MYO16: variants seen among roughly 807,000 people sequenced by gnomAD.
The protein encoded by MYO16 is myosin XVI, also known as unconventional myosin-XVI.
A neutral mutation model predicts 205.3 loss-of-function variants in MYO16; 94 were observed. That is an observed-to-expected ratio of 0.46 (90% CI 0.39 to 0.54). The LOEUF (loss-of-function observed/expected upper bound fraction) is 0.54. MYO16 is among the 20% of genes least tolerant of loss of function. The pLI is 0.00. For synonymous variants in MYO16, 988 were observed against 954.0 expected (o/e 1.04, Z -0.66); for missense variants, 2,315 against 2,387.5 (o/e 0.97, Z 0.63).
At chr13:108,928,535 C>T (rs1288993964) in intron 16 of MYO16, among the ~76,000 whole-genome samples, 1 of 152,058 alleles carries the variant, frequency 6.6e-6, no homozygotes, top group African/African-American at 2.4e-5. Context: ...TGGATGTCAA[C>T]GTATAAGCAA....
chr13:109,168,897 C>T (rs1486061125), intron 33 of MYO16, among the ~76,000 whole-genome samples: 3 of 151,812 alleles, frequency 2.0e-5, no homozygotes, highest in Admixed American at 6.6e-5. Flanking sequence ...GGTACAGTGT[C>T]GGTATGGTCA....
At chr13:108,657,917 A>G (rs117261058) in intron 1 of MYO16, among the ~76,000 whole-genome samples, 2,273 of 152,300 alleles carry the variant, frequency 0.015, 21 homozygotes, top group Non-Finnish European at 0.025. Flanking sequence ...ACACAATTTA[A>G]TGTTTTAAAA....
At chr13:108,497,078 C>A in the MYO16 span, among the ~76,000 whole-genome samples, 48,541 of 152,036 alleles carry the variant, frequency 0.32, 7,957 homozygotes, top group Non-Finnish European at 0.35. Context: ...TGCGGTCTAT[C>A]CATGCATCTC....
chr13:108,659,585 G>C lies in MYO16; in HGVS notation c.29-6301G>C, dbSNP rs1881407927. Among the ~76,000 whole-genome samples the C allele has an allele frequency of 2.0e-5, 3 of 152,108 alleles. No homozygotes were observed. In the South Asian group the frequency reaches 6.2e-4, roughly 32 times the overall value. ...AGATGAGCTTCATGACACTGCCTCA[G>C]GCCAGATAATTTTGTAAGGAAAAGC... On this transcript the variant is annotated intron_variant, in intron 1 of 34. Transcript: ENST00000457511.
At chr13:108,721,680 G>A (rs1884169064) in intron 3 of MYO16, among the ~76,000 whole-genome samples, 1 of 152,300 alleles carries the variant, frequency 6.6e-6, no homozygotes, top group African/African-American at 2.4e-5. Context: ...ATCAATGTAA[G>A]CGTTCAGTGA....
At chr13:109,157,075 T>C (rs943497692) in intron 32 of MYO16, among the ~76,000 whole-genome samples, 1 of 151,820 alleles carries the variant, frequency 6.6e-6, no homozygotes, top group African/African-American at 2.4e-5. Context: ...CCAGCTGTGG[T>C]CCCCATCAGG....
chr13:109,142,586 C>T (rs1877151473), intron 32 of MYO16, among the ~76,000 whole-genome samples: 1 of 152,184 alleles, frequency 6.6e-6, no homozygotes, highest in Admixed American at 6.5e-5. Flanking sequence ...CTGTCCGCAA[C>T]CAGTCAGACT....
At chr13:108,820,899 A>G (rs1359215238) in intron 8 of MYO16, among the ~76,000 whole-genome samples, 1 of 44,342 alleles carries the variant, frequency 2.3e-5, no homozygotes, top group East Asian at 1.7e-3. Context: ...ACTTAATGTT[A>G]CTTATTTTTT....
intron 11 of MYO16, among the ~76,000 whole-genome samples, chr13:108,857,975 A>AAATT (rs1237956190): frequency 1.3e-5 from 2 of 152,212 alleles, no homozygotes; most frequent in African/African-American, 4.8e-5. Context: ...AATACAGAAA[A>AAATT]GCTCAATCGA....
chr13:109,117,388 G>A (rs1297279523), intron 28 of MYO16, among the ~76,000 whole-genome samples: 1 of 146,886 alleles, frequency 6.8e-6, no homozygotes, highest in Non-Finnish European at 1.5e-5. Flanking sequence ...ATATATGCGT[G>A]TGTATATATG....
At chr13:108,662,730 C>A (rs1881559566) in intron 1 of MYO16, among the ~76,000 whole-genome samples, 1 of 152,180 alleles carries the variant, frequency 6.6e-6, no homozygotes, top group Non-Finnish European at 1.5e-5. Flanking sequence ...GGCTTTAGTT[C>A]TTTCCCTGCC....
chr13:108,871,210 G>A (rs1450907832), intron 12 of MYO16, among the ~76,000 whole-genome samples: 1 of 151,662 alleles, frequency 6.6e-6, no homozygotes, highest in East Asian at 1.9e-4. Context: ...AGGGTTTCCA[G>A]TTTTCTGGTG....
intron 23 of MYO16, among the ~76,000 whole-genome samples, chr13:109,046,112 C>T (rs1185994124): frequency 3.3e-5 from 5 of 152,148 alleles, no homozygotes; most frequent in Non-Finnish European, 5.9e-5. Flanking sequence ...CACTCTTGCT[C>T]AGGAGTAAAG....
At chr13:108,658,628 T>C (rs2139418051) in intron 1 of MYO16, among the ~76,000 whole-genome samples, 1 of 152,316 alleles carries the variant, frequency 6.6e-6, no homozygotes, top group Admixed American at 6.5e-5. Context: ...GTATTATTTC[T>C]GTGATGTTTT....
chr13:109,141,087 C>T lies in MYO16; in HGVS notation c.4875C>T (p.Asn1625=). Residue 1625 remains asparagine (N), a synonymous_variant, in exon 32 of 35, where the codon AAC becomes AAT. Coordinates refer to ENST00000457511, the MANE Select transcript of MYO16 (RefSeq NM_001198950.3). This position sits in a 1 kb window ranked among gnomAD's most constrained non-coding sequence, Gnocchi z 4.1. ...TCCCGCCGGAGCCCGCCCCGGTGAA[C>T]GCGGGGAAAGCGGGGCCGAGCGCAG... ...LAFPPEPAPV[N]AGKAGPSAEA... 2 of 1,479,642 alleles carry T rather than the reference C, an allele frequency of 1.4e-6. No individual in the cohort carries two copies. Among genetic ancestry groups the T allele is most frequent in the Non-Finnish European group, 1.8e-6 (2 of 1,117,576 alleles). The allele number at this position is 1,479,642 out of a possible 1,614,324, so 91.7% of individuals were successfully genotyped here.
intron 9 of MYO16, among the ~76,000 whole-genome samples, chr13:108,839,113 T>A (rs1362003559): frequency 6.6e-6 from 1 of 152,074 alleles, no homozygotes; most frequent in Admixed American, 6.5e-5. Context: ...CTGAGGGGAC[T>A]CTGCAGAGTC....
chr13:108,660,009 G>T (rs1445120103), intron 1 of MYO16, among the ~76,000 whole-genome samples: 1 of 152,120 alleles, frequency 6.6e-6, no homozygotes, highest in Non-Finnish European at 1.5e-5. Flanking sequence ...GGCTGAAGTG[G>T]GAGAATCACT....
chr13:109,048,516 T>C, intron 24 of MYO16: 1 of 452,118 alleles, frequency 2.2e-6, no homozygotes, highest in Non-Finnish European at 4.1e-6. Context: ...AAAACAGCTG[T>C]AGACAATACA....
chr13:108,758,268 A>G (rs1885487941), intron 4 of MYO16, among the ~76,000 whole-genome samples: 1 of 152,156 alleles, frequency 6.6e-6, no homozygotes. Flanking sequence ...ACACTTGACT[A>G]TTGGGATTTT....
Sources: gnomAD v4.1 joint callset for allele counts (sites outside exome capture counted in the v4.1 genomes callset) on GRCh38, gnomAD v4.1.1 for gene constraint, Gnocchi (gnomAD v3.1) non-coding constraint, MANE v1.5 for transcripts, NCBI Gene and HGNC (gene_info 2026-07-23, HGNC 2026-07-21) for gene names.